Variants in ANGPTL7 observed in about 807,000 individuals in gnomAD.
ANGPTL7 encodes angiopoietin-related protein 7.
In ANGPTL7, 37 loss-of-function variants were observed where a neutral mutation model predicts 38.8. The ratio of observed to expected loss-of-function variants is 0.95; its 90% CI spans 0.73 to 1.25. The LOEUF is 1.25. Among genes scored for constraint, ANGPTL7 ranks in the 50% most tolerant of loss-of-function variants. The probability of loss-of-function intolerance (pLI) is 0.00; values close to 1 mark genes in which losing one functional copy is unlikely to be tolerated. For synonymous variants in ANGPTL7, 166 were observed against 163.2 expected (o/e 1.02, Z -0.13); for missense variants, 427 against 438.6 (o/e 0.97, Z 0.24).
In ANGPTL7 at chr1:11,189,796, G is replaced by A. The variant is rs1343910396; in HGVS notation, c.217G>A (p.Asp73Asn). 2 of 1,614,226 alleles carry A rather than the reference G, an allele frequency of 1.2e-6. No homozygotes were observed. Among genetic ancestry groups the A allele is most frequent in the Middle Eastern group, 1.6e-4 (1 of 6,062 alleles). ...LSELNKKQER[D>N]WVSVVMQVME... ...TGAACTGAACAAGAAGCAGGAGAGGGACTGGGTCAGCGTGGTCATGCAGGT... is the reference window on the plus strand; with the variant it reads ...TGAACTGAACAAGAAGCAGGAGAGGAACTGGGTCAGCGTGGTCATGCAGGT... Residue 73 changes from aspartate (D) to asparagine (N), a missense_variant, in exon 1 of 5, where the codon GAC (aspartate) becomes AAC (asparagine). Transcript: ENST00000376819.
intron 1 of ANGPTL7, among the ~76,000 whole-genome samples, chr1:11,190,539 T>C (rs1019538469): frequency 1.2e-4 from 19 of 152,316 alleles, no homozygotes; most frequent in African/African-American, 3.4e-4. Flanking sequence ...GGTTCCTCAA[T>C]TGTGATACGT....
chr1:11,193,134 T>C (rs1053794997), intron 2 of ANGPTL7, among the ~76,000 whole-genome samples: 2 of 151,926 alleles, frequency 1.3e-5, no homozygotes, highest in African/African-American at 4.8e-5. Context: ...CTGGCCAACA[T>C]GCTGAAACCC....
chr1:11,189,901 C>A lies in ANGPTL7; in HGVS notation c.322C>A (p.Gln108Lys). The A allele has an allele frequency of 1.9e-6, 3 of 1,613,984 alleles. No individual in the cohort carries two copies. The highest frequency in any genetic ancestry group is 2.5e-6 in the Non-Finnish European group (3 of 1,180,006). The stretch of plus-strand genomic sequence containing the variant: ...GAGCAAGTACTCCGAGATGAACAAC[C>A]AAATTGACATCATGCAGCTGCAGGC... ...AESKYSEMNN[Q>K]IDIMQLQAAQ... Residue 108 changes from glutamine to lysine, a missense_variant, in exon 1 of 5, where the codon CAA becomes AAA. Transcript: ENST00000376819.
intron 1 of ANGPTL7, among the ~76,000 whole-genome samples, chr1:11,191,877 C>T (rs1164304514): frequency 1.3e-5 from 2 of 152,222 alleles, no homozygotes; most frequent in African/African-American, 4.8e-5. Context: ...ATATTCACGA[C>T]TGATTTGTTA....
intron 1 of ANGPTL7, among the ~76,000 whole-genome samples, chr1:11,190,498 CT>C (rs1252160854): frequency 3.9e-5 from 6 of 152,142 alleles, no homozygotes; most frequent in African/African-American, 1.4e-4. Context: ...TGAAGAGTCC[CT>C]TTGTGTTCAG....
Position 11,195,452 on chromosome 1 carries a change from C to T in ANGPTL7, c.*429C>T, listed in dbSNP as rs28918368. On this transcript the variant is annotated 3_prime_UTR_variant, in exon 5 of 5. Transcript: ENST00000376819. ...ATTATTTTGATTCTCAAAGGATAGG[C>T]CTTTGAGTGTTAGAGAAAGGAGTGA... 4,662 of 158,350 alleles carry T rather than the reference C, an allele frequency of 0.029. 178 individuals are homozygous for T. The highest frequency in any genetic ancestry group is 0.07 in the Admixed American group (1,153 of 16,546). 9.8% of individuals were successfully genotyped at this position (158,350 alleles called of 1,614,324 possible).
intron 2 of ANGPTL7, among the ~76,000 whole-genome samples, chr1:11,193,135 G>A (rs561108021): frequency 1.3e-4 from 20 of 151,974 alleles, no homozygotes; most frequent in Non-Finnish European, 2.8e-4. Flanking sequence ...TGGCCAACAT[G>A]CTGAAACCCA....
rs577199443 is a variant in ANGPTL7 at position 11,194,668 on chromosome 1, T to TG, written c.871+15dup. The TG allele has an allele frequency of 6.2e-7, 1 of 1,614,096 alleles. No homozygotes were observed. The highest frequency in any genetic ancestry group is 8.5e-7 in the Non-Finnish European group (1 of 1,180,002). On this transcript the variant is annotated intron_variant, in intron 4 of 4. Coordinates refer to ENST00000376819, the MANE Select transcript of ANGPTL7 (RefSeq NM_021146.4). ...TGCACAGCTCCGCAAAGGTGAGATT[T>TG]GGGGGGACCGGAAAGGAGAAGTTCA...
Position 11,194,671 on chromosome 1 carries a change from G to A in ANGPTL7, c.871+12G>A, listed in dbSNP as rs749047731. On this transcript the variant is annotated intron_variant, in intron 4 of 4. Transcript: ENST00000376819. ...ACAGCTCCGCAAAGGTGAGATTTGG[G>A]GGGACCGGAAAGGAGAAGTTCAGGT... 2 of 1,614,102 alleles carry A rather than the reference G, an allele frequency of 1.2e-6. No individual in the cohort carries two copies. The highest frequency in any genetic ancestry group is 2.2e-5 in the East Asian group (1 of 44,884).
chr1:11,191,262 C>A (rs1047367765), intron 1 of ANGPTL7, among the ~76,000 whole-genome samples: 9 of 152,156 alleles, frequency 5.9e-5, no homozygotes, highest in African/African-American at 1.9e-4. Flanking sequence ...TGCTCAGTTA[C>A]CCTTATATTC....
chr1:11,190,102 G>C lies in ANGPTL7; in HGVS notation c.376+147G>C, dbSNP rs17036487. On this transcript the variant is annotated intron_variant, in intron 1 of 4. Coordinates refer to ENST00000376819, the MANE Select transcript of ANGPTL7 (RefSeq NM_021146.4). ...TAAAGGCTTATGCAGTATTTCCTTT[G>C]ACTTCTAATGCTATGTAAGTTTACC... The C allele has an allele frequency of 8.1e-3, 7,592 of 933,692 alleles. 261 individuals are homozygous for C. The highest frequency in any genetic ancestry group is 0.062 in the Admixed American group (2,145 of 34,790). 57.8% of individuals were successfully genotyped at this position (933,692 alleles called of 1,614,324 possible).
At position 11,194,547 on chromosome 1, in the gene ANGPTL7, C is replaced by T. The variant is rs1186345100; in HGVS notation, c.759C>T (p.Asn253=). ...ACAGCTATCGCCTCTTCCTGGGGAA[C>T]TACACTGGCAATGTGGGGAACGACG... ...ELNSYRLFLG[N]YTGNVGNDAL... Residue 253 remains asparagine (N), a synonymous_variant, in exon 4 of 5, where the codon AAC becomes AAT. Coordinates refer to ENST00000376819, the MANE Select transcript of ANGPTL7 (RefSeq NM_021146.4). 1 of 1,614,174 alleles carries T rather than the reference C, an allele frequency of 6.2e-7. No individual in the cohort carries two copies. Among genetic ancestry groups the T allele is most frequent in the Non-Finnish European group, 8.5e-7 (1 of 1,180,034 alleles).
rs767116119 is a variant in ANGPTL7 at position 11,194,632 on chromosome 1, T to C, written c.844T>C (p.Leu282=). The change falls in exon 4 of 5, where the codon TTG becomes CTG. Residue 282 remains leucine, a synonymous_variant. Coordinates refer to ENST00000376819, the MANE Select transcript of ANGPTL7 (RefSeq NM_021146.4). ...STKDKDNDNC[L]DKCAQLRKGG... ...CAAGGACAAGGACAATGACAACTGCTTGGACAAGTGTGCACAGCTCCGCAA... is the reference window on the plus strand; with the variant it reads ...CAAGGACAAGGACAATGACAACTGCCTGGACAAGTGTGCACAGCTCCGCAA... 6.2e-7 allele frequency: 1 copy of C among 1,614,184 alleles called. No homozygotes were observed. The highest frequency in any genetic ancestry group is 8.5e-7 in the Non-Finnish European group (1 of 1,180,038).
rs56996673 is a variant in ANGPTL7 at position 11,192,748 on chromosome 1, TAAA to T, written c.477+396_477+398del. Among the ~76,000 whole-genome samples the T allele has an allele frequency of 6.0e-3, 721 of 119,204 alleles. 5 individuals are homozygous for T. Among genetic ancestry groups the T allele is most frequent in the African/African-American group, 0.016 (500 of 30,902 alleles). 78.2% of individuals were successfully genotyped at this position (119,204 alleles called of 152,430 possible). A position where few individuals can be genotyped will look rare whatever the true frequency, so the allele number is the denominator to read the frequency against. On this transcript the variant is annotated intron_variant, in intron 2 of 4. Coordinates refer to ENST00000376819, the MANE Select transcript of ANGPTL7 (RefSeq NM_021146.4). Reference sequence around the variant, plus strand: ...AGACAAAGTGAGACTCCATTTCAATTAAAAAAAAAAAAAAAAAAAAGGAAAACT... The same window carrying T: ...AGACAAAGTGAGACTCCATTTCAATTAAAAAAAAAAAAAAAAAGGAAAACT...
Position 11,194,480 on chromosome 1 carries a change from G to A in ANGPTL7, c.692G>A (p.Arg231His). 2 of 1,614,074 alleles carry A rather than the reference G, an allele frequency of 1.2e-6. No homozygotes were observed. The highest frequency in any genetic ancestry group is 2.2e-5 in the East Asian group (1 of 44,878). The change falls in exon 4 of 5, where the codon CGC becomes CAC. Residue 231 changes from arginine (R) to histidine (H), a missense_variant. By Grantham distance (29) the Arg-to-His change is conservative. Coordinates refer to ENST00000376819, the MANE Select transcript of ANGPTL7 (RefSeq NM_021146.4). ...VEMEDWEGNL[R>H]YAEYSHFVLG... ...TGACAGGACTGGGAGGGCAACCTGC[G>A]CTACGCTGAGTATAGCCACTTTGTT...
chr1:11,189,951 C>T lies in ANGPTL7; in HGVS notation c.372C>T (p.Ser124=), dbSNP rs532363963. Residue 124 remains serine (S), a synonymous_variant, in exon 1 of 5, where the codon TCC becomes TCT. Transcript: ENST00000376819. Reference sequence around the variant, plus strand: ...CAGCACAGACGGTCACTCAGACCTCCGCAGGTAAGGAGACCAGTCCCCTGA... The same window carrying T: ...CAGCACAGACGGTCACTCAGACCTCTGCAGGTAAGGAGACCAGTCCCCTGA... ...LQAAQTVTQT[S]ADAIYDCSSL... 1.1e-5 allele frequency: 18 copies of T among 1,606,542 alleles called. No individual in the cohort carries two copies. Among genetic ancestry groups the T allele is most frequent in the Middle Eastern group, 1.7e-4 (1 of 6,044 alleles).
chr1:11,191,687 G>A (rs1347321369), intron 1 of ANGPTL7, among the ~76,000 whole-genome samples: 1 of 152,138 alleles, frequency 6.6e-6, no homozygotes, highest in African/African-American at 2.4e-5. Flanking sequence ...CAAAACTTCT[G>A]GGAGGAAGGC....
In ANGPTL7 at chr1:11,194,606, CCAAGGA is replaced by C; in HGVS notation, c.828_833del (p.Lys276_Asp277del). The C allele has an allele frequency of 6.2e-7, 1 of 1,614,134 alleles. No individual in the cohort carries two copies. Among genetic ancestry groups the C allele is most frequent in the Non-Finnish European group, 8.5e-7 (1 of 1,180,026 alleles). On this transcript the variant is annotated inframe_deletion, in exon 4 of 5. Transcript: ENST00000376819. ...TATCATAACAACACAGCCTTCAGCACCAAGGACAAGGACAATGACAACTGCTTGGAC... is the reference window on the plus strand; with the variant it reads ...TATCATAACAACACAGCCTTCAGCACCAAGGACAATGACAACTGCTTGGAC...
chr1:11,194,706 T>C, intron 4 of ANGPTL7, 47 bp downstream of exon 4: 2 of 1,611,972 alleles, frequency 1.2e-6, no homozygotes, highest in Non-Finnish European at 1.7e-6. Flanking sequence ...TACAAGCTCA[T>C]AATCCCACTT....
Sources: allele counts gnomAD v4.1 joint callset (sites outside exome capture counted in the v4.1 genomes callset), GRCh38; gene constraint gnomAD v4.1.1; transcripts MANE v1.5; gene names NCBI Gene and HGNC (gene_info 2026-07-23, HGNC 2026-07-21).